Variants in PSME3 observed in about 807,000 individuals in gnomAD.
PSME3 encodes the protein proteasome activator subunit 3, also known as proteasome activator complex subunit 3.
A neutral mutation model predicts 38.3 loss-of-function variants in PSME3; 7 were observed. The observed-to-expected ratio is 0.18, with a 90% CI of 0.10 to 0.34. The LOEUF is 0.34. Among genes scored for constraint, PSME3 ranks in the 10% least tolerant of loss-of-function variants. PSME3 has a pLI of 1.00. For missense variants in PSME3, 192 were observed against 307.6 expected, an observed-to-expected ratio of 0.62 and a Z score of 2.81; for synonymous variants, 108 against 105.7, an observed-to-expected ratio of 1.02 and a Z score of -0.13.
At chr17:42,840,799 T>C (rs1209925991) in intron 10 of PSME3, among the ~76,000 whole-genome samples, 1 of 152,030 alleles carries the variant, frequency 6.6e-6, no homozygotes, top group Non-Finnish European at 1.5e-5. Context: ...ATAAGAGAGG[T>C]GGTGCTGCCA....
chr17:42,833,739 A>T (rs1040252368), intron 1 of PSME3, 66 bp downstream of exon 1: 14 of 1,613,358 alleles, frequency 8.7e-6, no homozygotes, highest in Non-Finnish European at 1.0e-5. Context: ...CCGGCTTCCT[A>T]CTCCCCATGG....
chr17:42,833,628 G>C lies in PSME3; in HGVS notation c.-4G>C. 1 of 1,614,210 alleles carries C rather than the reference G, an allele frequency of 6.2e-7. No homozygotes were observed. Among genetic ancestry groups the C allele is most frequent in the Non-Finnish European group, 8.5e-7 (1 of 1,180,032 alleles). ...CAGAGGATCGGACACGGCCCGGCCC[G>C]GCCATGGCCTCGTTGCTGAAGGTGG... On this transcript the variant is annotated 5_prime_UTR_variant, in exon 1 of 11. Transcript: ENST00000590720.
Position 42,839,473 on chromosome 17 carries a change from G to T in PSME3, c.684+93G>T. On this transcript the variant is annotated intron_variant, in intron 10 of 10. Transcript: ENST00000590720. ...AATTCTCTGAAGGGCTGAGATGAGG[G>T]TCTGAGGTAAAATGAATAGACCAAA... 1.5e-5 allele frequency: 16 copies of T among 1,090,076 alleles called. No homozygotes were observed. The South Asian group carries it at 2.0e-4, about 14-fold the overall frequency. The allele number at this position is 1,090,076 out of a possible 1,614,324, so 67.5% of individuals were successfully genotyped here. A position where few individuals can be genotyped will look rare whatever the true frequency, so the allele number is the denominator to read the frequency against.
chr17:42,839,766 C>T (rs551833618), intron 10 of PSME3, among the ~76,000 whole-genome samples: 2 of 151,730 alleles, frequency 1.3e-5, no homozygotes, highest in Admixed American at 1.3e-4. Flanking sequence ...GGAGGCCAAG[C>T]CGGGTGGATC....
intron 4 of PSME3, among the ~76,000 whole-genome samples, chr17:42,836,162 G>A (rs948020728): frequency 2.6e-5 from 4 of 151,818 alleles, no homozygotes; most frequent in South Asian, 2.1e-4. Context: ...ACACCACCAC[G>A]CCCAGCCAAT....
intron 6 of PSME3, 89 bp downstream of exon 6, chr17:42,838,294 T>C (rs2055488501): frequency 1.3e-6 from 2 of 1,551,000 alleles, no homozygotes. Flanking sequence ...GTATGGGAAT[T>C]GGCAGACTAG....
chr17:42,838,869 T>C, intron 7 of PSME3, 70 bp downstream of exon 7: 3 of 1,593,678 alleles, frequency 1.9e-6, no homozygotes, highest in Non-Finnish European at 2.6e-6. Flanking sequence ...GCGTTACCTT[T>C]TTTTCCTTTT....
chr17:42,834,768 T>C lies in PSME3; in HGVS notation c.139-4T>C, dbSNP rs1272895180. On this transcript the variant is annotated splice_polypyrimidine_tract_variant and splice_region_variant and intron_variant, in intron 3 of 10. Coordinates refer to ENST00000590720, the MANE Select transcript of PSME3 (RefSeq NM_005789.4). ...ATTAATGTTTTGGGGTGGGTGTCTT[T>C]CAGGAACCAATCTTAAACATCCATG... 10 of 1,613,970 alleles carry C rather than the reference T, an allele frequency of 6.2e-6. No homozygotes were observed. The highest frequency in any genetic ancestry group is 8.5e-6 in the Non-Finnish European group (10 of 1,179,946).
At chr17:42,833,797 A>T in intron 1 of PSME3, 124 bp downstream of exon 1, 2 of 1,591,750 alleles carry the variant, frequency 1.3e-6, no homozygotes, top group African/African-American at 2.7e-5. Flanking sequence ...CGCTCGGCTC[A>T]GCCCAGCCCC....
In PSME3 at chr17:42,841,710, C is replaced by CT; in HGVS notation, c.*133dup. The CT allele has an allele frequency of 1.8e-6, 1 of 568,420 alleles. No homozygotes were observed. Among genetic ancestry groups the CT allele is most frequent in the South Asian group, 2.5e-5 (1 of 39,754 alleles). The allele number at this position is 568,420 out of a possible 1,614,324, so 35.2% of individuals were successfully genotyped here. On this transcript the variant is annotated 3_prime_UTR_variant, in exon 11 of 11. Transcript: ENST00000590720. ...ACACCTCTCTGTTTTTAGTTAGAGT[C>CT]TAATGAAACTCTCATCTAGTTCTGT...
intron 4 of PSME3, 141 bp downstream of exon 4, chr17:42,835,017 G>A (rs2055444853): frequency 8.6e-7 from 1 of 1,160,548 alleles, no homozygotes; most frequent in East Asian, 3.0e-5. Flanking sequence ...GATGACTCTA[G>A]TATAGTTCTT....
At chr17:42,835,792 T>C (rs1384457454) in intron 4 of PSME3, among the ~76,000 whole-genome samples, 1 of 152,170 alleles carries the variant, frequency 6.6e-6, no homozygotes, top group Admixed American at 6.5e-5. Flanking sequence ...AACAAGACTT[T>C]GCTTATATTT....
At chr17:42,838,376 C>T (rs536871672) in intron 6 of PSME3, among the ~76,000 whole-genome samples, 171 bp downstream of exon 6, 31 of 152,186 alleles carry the variant, frequency 2.0e-4, no homozygotes, top group Admixed American at 1.8e-3. Flanking sequence ...GGCGCCATCT[C>T]GGCTCACTGC....
At chr17:42,834,288 C>T in intron 1 of PSME3, 56 bp from the exon 2 acceptor site, 2 of 1,612,198 alleles carry the variant, frequency 1.2e-6, no homozygotes, top group Non-Finnish European at 1.7e-6. Context: ...TGGGATTCTC[C>T]ATCCTGCTCT....
In PSME3 at chr17:42,842,552, A is replaced by G. The variant is rs560253050; in HGVS notation, c.*974A>G. 18 of 152,994 alleles carry G rather than the reference A, an allele frequency of 1.2e-4. No homozygotes were observed. The highest frequency in any genetic ancestry group is 2.9e-4 in the African/African-American group (12 of 41,572). The allele number at this position is 152,994 out of a possible 1,614,324, so 9.5% of individuals were successfully genotyped here. ...TTCAGTTGGGGTGAAGGTTTCTGCA[A>G]GTGTGAGGTCCAGATGCTGCTGCTC... On this transcript the variant is annotated 3_prime_UTR_variant, in exon 11 of 11. Coordinates refer to ENST00000590720, the MANE Select transcript of PSME3 (RefSeq NM_005789.4).
chr17:42,839,451 T>A, intron 10 of PSME3, 71 bp downstream of exon 10: 3 of 1,287,020 alleles, frequency 2.3e-6, no homozygotes, highest in African/African-American at 1.5e-5. Flanking sequence ...TTGTTAAAAT[T>A]CTCTGAAGGG....
chr17:42,837,341 G>A (rs905453764), intron 4 of PSME3, among the ~76,000 whole-genome samples: 6 of 151,978 alleles, frequency 3.9e-5, no homozygotes, highest in African/African-American at 1.5e-4. Context: ...GAACCACCGC[G>A]CCTGGCTAAC....
Position 42,833,422 on chromosome 17 carries a change from G to A in PSME3, c.-210G>A. On this transcript the variant is annotated 5_prime_UTR_variant, in exon 1 of 11. Coordinates refer to ENST00000590720, the MANE Select transcript of PSME3 (RefSeq NM_005789.4). ...GCAGTTTCCGGCGTGAGCGGCGAAA[G>A]CCGGGAGGGCGAGCGAGAGAGCAAG... 1 of 613,252 alleles carries A rather than the reference G, an allele frequency of 1.6e-6. No individual in the cohort carries two copies. The highest frequency in any genetic ancestry group is 2.9e-6 in the Non-Finnish European group (1 of 348,060). 38.0% of individuals were successfully genotyped at this position (613,252 alleles called of 1,614,324 possible).
Position 42,834,394 on chromosome 17 carries a change from A to G in PSME3, c.75+18A>G, listed in dbSNP as rs762642906. On this transcript the variant is annotated intron_variant, in intron 2 of 10. Transcript: ENST00000590720. Reference sequence around the variant, plus strand: ...CAAGTGAGGTGAGTGAAATAAATAGAAAAATGGTTGTTGGTTGAGAATTTC... The same window carrying G: ...CAAGTGAGGTGAGTGAAATAAATAGGAAAATGGTTGTTGGTTGAGAATTTC... 3.1e-6 allele frequency: 5 copies of G among 1,613,762 alleles called. No homozygotes were observed. The Admixed American group carries it at 8.3e-5, about 27-fold the overall frequency.
Sources: gnomAD v4.1 joint callset for allele counts (sites outside exome capture counted in the v4.1 genomes callset) on GRCh38, gnomAD v4.1.1 for gene constraint, MANE v1.5 for transcripts, NCBI Gene and HGNC (gene_info 2026-07-23, HGNC 2026-07-21) for gene names.